Variants in CALN1 observed in about 807,000 individuals in gnomAD.
The protein encoded by CALN1 is calcium-binding protein 8.
A neutral mutation model predicts 30.6 loss-of-function variants in CALN1; 17 were observed. The ratio of observed to expected loss-of-function variants is 0.56; its 90% CI spans 0.38 to 0.83. CALN1 has a LOEUF of 0.83. Among genes scored for constraint, CALN1 ranks in the 40% least tolerant of loss-of-function variants. CALN1 has a pLI of 0.00. For missense variants in CALN1, 291 were observed against 354.9 expected (o/e 0.82, Z 1.45); for synonymous variants, 156 against 131.4 (o/e 1.19, Z -1.28).
At chr7:72,024,959 T>C (rs1216833686) in intron 4 of CALN1, among the ~76,000 whole-genome samples, 2 of 152,166 alleles carry the variant, frequency 1.3e-5, no homozygotes, top group African/African-American at 2.4e-5. Context: ...GCAGAACTGG[T>C]CGAACTTTTT....
intron 5 of CALN1, among the ~76,000 whole-genome samples, chr7:71,847,749 G>GAAAGAAA (rs1208218618): frequency 1.7e-4 from 20 of 118,908 alleles, no homozygotes; most frequent in African/African-American, 5.0e-4. Flanking sequence ...GAAAGAAGAA[G>GAAAGAAA]AAAGAAGAAA....
intron 5 of CALN1, among the ~76,000 whole-genome samples, chr7:71,878,317 G>T (rs1274158289): frequency 6.6e-6 from 1 of 152,002 alleles, no homozygotes; most frequent in Non-Finnish European, 1.5e-5. Flanking sequence ...CAGGAGAATT[G>T]CCTGAACCCA....
At chr7:72,368,589 G>A (rs1045866985) in intron 2 of CALN1, among the ~76,000 whole-genome samples, 1 of 151,868 alleles carries the variant, frequency 6.6e-6, no homozygotes, top group Non-Finnish European at 1.5e-5. Context: ...AAATGAAAAA[G>A]GAGAATGAAT....
At chr7:72,180,723 T>C (rs896953809) in intron 3 of CALN1, among the ~76,000 whole-genome samples, 4 of 148,732 alleles carry the variant, frequency 2.7e-5, no homozygotes, top group Non-Finnish European at 5.9e-5. Flanking sequence ...TCCTCCAGCC[T>C]CAGCCTCCCA....
chr7:71,785,078 G>A lies in CALN1; in HGVS notation c.*2697C>T, dbSNP rs1009012553. Reference sequence around the variant, plus strand: ...GCCGCTAGCTCAGGGCCGTCTCCACGCACTGTGTCCTTCAGTCCCTGGGTG... The same window carrying A: ...GCCGCTAGCTCAGGGCCGTCTCCACACACTGTGTCCTTCAGTCCCTGGGTG... On this transcript the variant is annotated 3_prime_UTR_variant, in exon 7 of 7. Coordinates refer to ENST00000395275, the MANE Select transcript of CALN1 (RefSeq NM_031468.4). The A allele has an allele frequency of 7.7e-6, 3 of 390,300 alleles. No homozygotes were observed. Among genetic ancestry groups the A allele is most frequent in the African/African-American group, 4.1e-5 (2 of 48,460 alleles). The allele number at this position is 390,300 out of a possible 1,614,324, so 24.2% of individuals were successfully genotyped here. A position where few individuals can be genotyped will look rare whatever the true frequency, so the allele number is the denominator to read the frequency against.
intron 5 of CALN1, among the ~76,000 whole-genome samples, chr7:71,928,418 C>A (rs1316637831): frequency 1.4e-5 from 2 of 146,522 alleles, no homozygotes; most frequent in Non-Finnish European, 3.0e-5. Context: ...GGCTTCAATT[C>A]TCTGAGAGGT....
Position 72,336,055 on chromosome 7 carries a change from G to A in CALN1, c.120-57245C>T, listed in dbSNP as rs551790564. Among the ~76,000 whole-genome samples the A allele has an allele frequency of 8.3e-4, 126 of 152,284 alleles. 1 individual carries two copies. The South Asian group carries it at 0.011, about 14-fold the overall frequency. ...CCCATCCAGCTGCTTGGAGCTCAGAGACTAGGTCCCAGCCGGACTGCAGAG... is the reference window on the plus strand; with the variant it reads ...CCCATCCAGCTGCTTGGAGCTCAGAAACTAGGTCCCAGCCGGACTGCAGAG... On this transcript the variant is annotated intron_variant, in intron 2 of 6. Coordinates refer to ENST00000395275, the MANE Select transcript of CALN1 (RefSeq NM_031468.4).
At chr7:72,123,405 T>C (rs1410260201) in intron 3 of CALN1, among the ~76,000 whole-genome samples, 1 of 152,168 alleles carries the variant, frequency 6.6e-6, no homozygotes, top group African/African-American at 2.4e-5. Context: ...TCCTCTTCTG[T>C]TGTGTGATTT....
intron 1 of CALN1, among the ~76,000 whole-genome samples, chr7:72,441,676 T>C (rs1173899229): frequency 6.6e-6 from 1 of 150,616 alleles, no homozygotes; most frequent in East Asian, 1.9e-4. Context: ...ACGTAGAATG[T>C]ACAAACAGGG....
chr7:71,992,055 G>A (rs1264884677), intron 5 of CALN1, among the ~76,000 whole-genome samples: 5 of 152,152 alleles, frequency 3.3e-5, no homozygotes, highest in African/African-American at 1.2e-4. Context: ...TTTAGAAATT[G>A]TAAATGATGA....
chr7:72,345,957 A>C (rs2129559020), intron 2 of CALN1, among the ~76,000 whole-genome samples: 1 of 152,336 alleles, frequency 6.6e-6, no homozygotes, highest in African/African-American at 2.4e-5. Context: ...TTAAGAAAAA[A>C]TAAAGAGAAA....
At chr7:71,925,771 G>A (rs899595795) in intron 5 of CALN1, among the ~76,000 whole-genome samples, 3 of 152,042 alleles carry the variant, frequency 2.0e-5, no homozygotes, top group African/African-American at 7.2e-5. Context: ...AGGATGTTGA[G>A]CTTTCTCGGT....
rs180882301 is a variant in CALN1, at chr7:72,226,562, G to A, written c.244+52124C>T. Among the ~76,000 whole-genome samples, 891 of 152,266 alleles carry A rather than the reference G, an allele frequency of 5.9e-3. 15 individuals are homozygous for A. Among genetic ancestry groups the A allele is most frequent in the African/African-American group, 0.02 (843 of 41,540 alleles). On this transcript the variant is annotated intron_variant, in intron 3 of 6. Transcript: ENST00000395275. ...GACATATCACTGAAGGTCAGCTTTC[G>A]CTATCCCAGTGCTTTCAAGGGTTAC...
At chr7:72,121,187 GTAT>G (rs548653708) in intron 3 of CALN1, among the ~76,000 whole-genome samples, 108 of 138,518 alleles carry the variant, frequency 7.8e-4, no homozygotes, top group African/African-American at 2.6e-3. Flanking sequence ...TATATATTAT[GTAT>G]TATATTATAT....
At position 72,320,791 on chromosome 7, in the gene CALN1, C is replaced by T. The variant is rs184338150; in HGVS notation, c.120-41981G>A. 9.2e-5 allele frequency among the ~76,000 whole-genome samples: 13 copies of T among 140,938 alleles called. No individual in the cohort carries two copies. In the East Asian group the frequency reaches 2.3e-3, roughly 25 times the overall value. 92.5% of individuals were successfully genotyped at this position (140,938 alleles called of 152,430 possible). On this transcript the variant is annotated intron_variant, in intron 2 of 6. Transcript: ENST00000395275. ...CGGAGGTTGCAGTGAGCCGAGACCA[C>T]ACCACTGCACTCTAGCCTGGGCGAC...
chr7:72,306,220 G>A (rs975016739), intron 2 of CALN1, among the ~76,000 whole-genome samples: 5 of 152,170 alleles, frequency 3.3e-5, no homozygotes, highest in African/African-American at 1.2e-4. Flanking sequence ...GTCCTGCAAA[G>A]CTGTCCTTTG....
intron 2 of CALN1, among the ~76,000 whole-genome samples, chr7:72,370,904 G>A (rs565641965): frequency 3.3e-5 from 5 of 151,826 alleles, no homozygotes; most frequent in South Asian, 2.1e-4. Flanking sequence ...AAAAATTAGC[G>A]GGTTGTGGTG....
intron 2 of CALN1, among the ~76,000 whole-genome samples, chr7:72,395,923 G>A (rs1189444673): frequency 6.6e-6 from 1 of 152,084 alleles, no homozygotes; most frequent in Non-Finnish European, 1.5e-5. Flanking sequence ...TTCTGATTTA[G>A]GAGGTAGGAC....
intron 5 of CALN1, among the ~76,000 whole-genome samples, chr7:71,900,951 C>A (rs1793814199): frequency 6.6e-6 from 1 of 152,186 alleles, no homozygotes; most frequent in Admixed American, 6.5e-5. Context: ...CCCATTCCAG[C>A]CCTTTCATGA....
Sources: gnomAD v4.1 joint callset for allele counts (sites outside exome capture counted in the v4.1 genomes callset) on GRCh38, gnomAD v4.1.1 for gene constraint, MANE v1.5 for transcripts, NCBI Gene and HGNC (gene_info 2026-07-23, HGNC 2026-07-21) for gene names.